MACROD2: variants seen among roughly 807,000 people sequenced by gnomAD.
MACROD2 encodes the protein mono-ADP ribosylhydrolase 2, also known as ADP-ribose glycohydrolase MACROD2.
A neutral mutation model predicts 70.4 loss-of-function variants in MACROD2; 36 were observed. That is an observed-to-expected ratio of 0.51 (90% confidence interval 0.39 to 0.68). The LOEUF (loss-of-function observed/expected upper bound fraction) is 0.68, where lower values mean the gene tolerates loss of function less well. Among genes scored for constraint, MACROD2 ranks in the 30% least tolerant of loss-of-function variants. The pLI is 0.00. For missense variants in MACROD2, 496 were observed against 538.4 expected (o/e 0.92, Z 0.78); for synonymous variants, 172 against 178.8 (o/e 0.96, Z 0.30).
At chr20:15,138,433 C>A (rs2076167056) in intron 5 of MACROD2, among the ~76,000 whole-genome samples, 1 of 152,010 alleles carries the variant, frequency 6.6e-6, no homozygotes, top group African/African-American at 2.4e-5. Context: ...TTAAGCTATT[C>A]TTTTTTTAGG....
chr20:14,982,798 G>T (rs1385936451), intron 5 of MACROD2, among the ~76,000 whole-genome samples: 1 of 152,222 alleles, frequency 6.6e-6, no homozygotes, highest in African/African-American at 2.4e-5. Flanking sequence ...TCCTAGGGCA[G>T]TGCATTGGGC....
At chr20:15,013,077 C>T (rs1251546373) in intron 5 of MACROD2, among the ~76,000 whole-genome samples, 1 of 152,130 alleles carries the variant, frequency 6.6e-6, no homozygotes, top group Non-Finnish European at 1.5e-5. Flanking sequence ...AGTTTTCTGG[C>T]TGTCCAGGGT....
intron 4 of MACROD2, among the ~76,000 whole-genome samples, chr20:14,600,021 G>A (rs149768735): frequency 0.015 from 2,244 of 152,174 alleles, 57 homozygotes; most frequent in African/African-American, 0.052. Context: ...AGAGGCTAGA[G>A]TATAGGAGAA....
intron 8 of MACROD2, among the ~76,000 whole-genome samples, chr20:15,522,204 AC>A (rs1454877627): frequency 6.6e-6 from 1 of 152,250 alleles, no homozygotes; most frequent in African/African-American, 2.4e-5. Context: ...CATATTCTGC[AC>A]CCCAGGAGCC....
intron 5 of MACROD2, among the ~76,000 whole-genome samples, chr20:15,092,448 A>G (rs1392586522): frequency 6.7e-6 from 1 of 148,854 alleles, no homozygotes; most frequent in Non-Finnish European, 1.5e-5. Context: ...TATTTATAAC[A>G]TTTTAAAATA....
chr20:14,858,360 C>G (rs1211678549), intron 5 of MACROD2, among the ~76,000 whole-genome samples: 3 of 152,024 alleles, frequency 2.0e-5, no homozygotes, highest in Non-Finnish European at 4.4e-5. Context: ...CCCAGAATTT[C>G]TCGGGTTATT....
chr20:15,013,794 C>T (rs1036828595), intron 5 of MACROD2, among the ~76,000 whole-genome samples: 5 of 152,164 alleles, frequency 3.3e-5, no homozygotes, highest in Admixed American at 6.5e-5. Context: ...CCAGGGAGCC[C>T]AACCTACAAC....
chr20:15,653,390 T>C (rs2049676253), intron 8 of MACROD2, among the ~76,000 whole-genome samples: 1 of 152,114 alleles, frequency 6.6e-6, no homozygotes, highest in Non-Finnish European at 1.5e-5. Context: ...TGTCAACAAG[T>C]ATGGGCAGAA....
intron 5 of MACROD2, among the ~76,000 whole-genome samples, chr20:14,877,535 T>C (rs1475785593): frequency 1.3e-5 from 2 of 152,168 alleles, no homozygotes; most frequent in South Asian, 2.1e-4. Context: ...GTTCCTCTTC[T>C]TAAGGGGAAT....
chr20:15,224,423 A>C (rs1601254362), intron 5 of MACROD2, among the ~76,000 whole-genome samples: 1 of 152,348 alleles, frequency 6.6e-6, no homozygotes, highest in African/African-American at 2.4e-5. Flanking sequence ...GAACTTACTC[A>C]TAATCATATT....
chr20:15,760,733 G>A (rs1471824204), intron 8 of MACROD2, among the ~76,000 whole-genome samples: 1 of 152,148 alleles, frequency 6.6e-6, no homozygotes, highest in Admixed American at 6.5e-5. Flanking sequence ...CCTGCACACT[G>A]TTTTTCAGCT....
At chr20:15,168,984 T>A (rs2076405226) in intron 5 of MACROD2, among the ~76,000 whole-genome samples, 1 of 152,088 alleles carries the variant, frequency 6.6e-6, no homozygotes, top group Non-Finnish European at 1.5e-5. Context: ...GGTAGAATGG[T>A]GGTTTAAAAA....
intron 5 of MACROD2, among the ~76,000 whole-genome samples, chr20:14,989,400 T>C (rs2074879883): frequency 6.6e-6 from 1 of 152,154 alleles, no homozygotes; most frequent in Non-Finnish European, 1.5e-5. Flanking sequence ...GAGAATGAAT[T>C]CAAGGATGAG....
intron 8 of MACROD2, among the ~76,000 whole-genome samples, chr20:15,819,944 G>A (rs2063921441): frequency 6.6e-6 from 1 of 152,180 alleles, no homozygotes. Context: ...AGAACTGTGT[G>A]AGATGATAGA....
intron 5 of MACROD2, among the ~76,000 whole-genome samples, chr20:15,062,824 T>C (rs1013308162): frequency 1.3e-5 from 2 of 151,846 alleles, no homozygotes; most frequent in African/African-American, 4.8e-5. Context: ...GCCTGCAGAG[T>C]TTTGAAGCAG....
chr20:14,669,701 G>A (rs1600520260), intron 4 of MACROD2, among the ~76,000 whole-genome samples: 1 of 152,172 alleles, frequency 6.6e-6, no homozygotes, highest in East Asian at 1.9e-4. Context: ...CAGCCACTGG[G>A]AAGTTTTTGG....
At chr20:15,228,487 C>CTTTTTTTTTT (rs527508760) in intron 5 of MACROD2, among the ~76,000 whole-genome samples, 33 of 117,976 alleles carry the variant, frequency 2.8e-4, no homozygotes, top group African/African-American at 3.9e-4. Context: ...TTCCTTCTTT[C>CTTTTTTTTTT]TTTTTTTTTT....
chr20:15,030,291 T>C (rs952180765), intron 5 of MACROD2, among the ~76,000 whole-genome samples: 1 of 152,022 alleles, frequency 6.6e-6, no homozygotes, highest in African/African-American at 2.4e-5. Context: ...TGAGACTCTG[T>C]CTCTACACAA....
intron 3 of MACROD2, among the ~76,000 whole-genome samples, chr20:14,255,936 C>T (rs1402217864): frequency 1.3e-5 from 2 of 151,600 alleles, no homozygotes; most frequent in African/African-American, 4.8e-5. Context: ...TGCAGTATTT[C>T]ATAGTGCCTA....
Sources: allele counts gnomAD v4.1 joint callset (sites outside exome capture counted in the v4.1 genomes callset), GRCh38; gene constraint gnomAD v4.1.1; transcripts MANE v1.5; gene names NCBI Gene and HGNC (gene_info 2026-07-23, HGNC 2026-07-21).